The following DIP2C variants were observed in gnomAD, a reference collection of about 807,000 sequenced individuals.
DIP2C encodes the protein disco-interacting protein 2 homolog C.
Under a neutral mutation model 192.4 loss-of-function variants are expected in DIP2C, and 33 were observed. The observed-to-expected ratio is 0.17, with a 90% CI of 0.13 to 0.23. DIP2C has a LOEUF of 0.23. Among genes scored for constraint, DIP2C ranks in the 10% least tolerant of loss-of-function variants. DIP2C has a pLI of 1.00. For synonymous variants in DIP2C, 979 were observed against 864.1 expected (o/e 1.13, Z -2.33); for missense variants, 1,537 against 2,110.1 (o/e 0.73, Z 5.32).
intron 8 of DIP2C, among the ~76,000 whole-genome samples, chr10:413,237 C>G (rs1965299535): frequency 1.3e-5 from 2 of 152,248 alleles, no homozygotes; most frequent in African/African-American, 4.8e-5. Context: ...AAACGCACTT[C>G]TCTGCTACCG....
rs1262500068 is a variant in DIP2C at position 472,362 on chromosome 10, G to A, written c.268+77C>T. ...TCCACGCCCACTGCACTTCTGCCTCGCCCAGTGGCTGGGCACAGGCACCGT... is the reference window on the plus strand; with the variant it reads ...TCCACGCCCACTGCACTTCTGCCTCACCCAGTGGCTGGGCACAGGCACCGT... On this transcript the variant is annotated intron_variant, in intron 3 of 36. Coordinates refer to ENST00000280886, the MANE Select transcript of DIP2C (RefSeq NM_014974.3). The A allele has an allele frequency of 1.7e-5, 24 of 1,376,416 alleles. 1 individual carries two copies. Among genetic ancestry groups the A allele is most frequent in the African/African-American group, 5.7e-5 (4 of 69,976 alleles). The allele number at this position is 1,376,416 out of a possible 1,614,324, so 85.3% of individuals were successfully genotyped here.
chr10:552,581 T>G (rs889589450), intron 1 of DIP2C, among the ~76,000 whole-genome samples: 1 of 152,252 alleles, frequency 6.6e-6, no homozygotes, highest in Non-Finnish European at 1.5e-5. Flanking sequence ...CCGGGTGCAG[T>G]GGTTCACGCC....
At chr10:431,114 T>TTA (rs1184412870) in intron 4 of DIP2C, among the ~76,000 whole-genome samples, 3 of 152,352 alleles carry the variant, frequency 2.0e-5, no homozygotes. Flanking sequence ...TATCACTGAT[T>TTA]TATAGTAAGT....
In DIP2C at chr10:651,425, T is replaced by C. The variant is rs942403328; in HGVS notation, c.85+38069A>G. On this transcript the variant is annotated intron_variant, in intron 1 of 36. Coordinates refer to ENST00000280886, the MANE Select transcript of DIP2C (RefSeq NM_014974.3). The surrounding 1 kb of genome is among the most constrained non-coding windows in gnomAD (Gnocchi z 4.1). ...CCAAACTCGTGACTGAATGAACAAG[T>C]ATGTTAAGTCGTTAAGTAAAAATAG... 12 of 692,962 alleles carry C rather than the reference T, an allele frequency of 1.7e-5. No homozygotes were observed. The highest frequency in any genetic ancestry group is 1.4e-4 in the African/African-American group (8 of 57,054). The allele number at this position is 692,962 out of a possible 1,614,324, so 42.9% of individuals were successfully genotyped here.
chr10:386,313 A>G (rs1162269936), intron 14 of DIP2C, among the ~76,000 whole-genome samples: 3 of 152,230 alleles, frequency 2.0e-5, no homozygotes, highest in Non-Finnish European at 4.4e-5. Context: ...CACAGACAGA[A>G]AAACTGAGGT....
chr10:304,730 CAT>C (rs1956225776), intron 32 of DIP2C, among the ~76,000 whole-genome samples: 1 of 141,214 alleles, frequency 7.1e-6, no homozygotes, highest in Non-Finnish European at 1.5e-5. Context: ...CACACGTACA[CAT>C]GTAACATACT....
At chr10:564,824 C>T (rs1038160045) in intron 1 of DIP2C, among the ~76,000 whole-genome samples, 50 of 152,284 alleles carry the variant, frequency 3.3e-4, no homozygotes, top group African/African-American at 9.9e-4. Flanking sequence ...ACACATAACA[C>T]GTGAGCAGAA....
In DIP2C at chr10:275,776, GAGA is replaced by G. The variant is rs1462997685; in HGVS notation, c.*1546_*1548del. On this transcript the variant is annotated 3_prime_UTR_variant, in exon 37 of 37. Coordinates refer to ENST00000280886, the MANE Select transcript of DIP2C (RefSeq NM_014974.3). ...ATTTAGAAGTGCACAGGTGAGCTCT[GAGA>G]AGGTGTGGCCAGGAGCTGCCAGGGC... 6.6e-6 allele frequency: 1 copy of G among 152,362 alleles called. No individual in the cohort carries two copies. The highest frequency in any genetic ancestry group is 2.4e-5 in the African/African-American group (1 of 41,580). 9.4% of individuals were successfully genotyped at this position (152,362 alleles called of 1,614,324 possible).
chr10:304,133 G>A (rs973284953), intron 32 of DIP2C, among the ~76,000 whole-genome samples: 7 of 152,288 alleles, frequency 4.6e-5, no homozygotes, highest in African/African-American at 1.7e-4. Context: ...GGCTTCACAG[G>A]TGTCTATTAT....
At chr10:498,164 C>A (rs1232859942) in intron 1 of DIP2C, among the ~76,000 whole-genome samples, 2 of 152,218 alleles carry the variant, frequency 1.3e-5, no homozygotes, top group African/African-American at 4.8e-5. Flanking sequence ...CTGAATCCAG[C>A]CTCTGTCATG....
intron 1 of DIP2C, chr10:664,359 G>C (rs1279762240): frequency 6.6e-6 from 1 of 152,224 alleles, no homozygotes; most frequent in Non-Finnish European, 1.5e-5. Flanking sequence ...CCGAAATTCT[G>C]TGAGTTCTTG....
chr10:429,595 A>G (rs1966830460), intron 4 of DIP2C, among the ~76,000 whole-genome samples: 1 of 146,366 alleles, frequency 6.8e-6, no homozygotes, highest in African/African-American at 2.5e-5. Flanking sequence ...TACTGTCTCC[A>G]TAGTCTTGCC....
At chr10:414,219 T>G in intron 7 of DIP2C, 109 bp from the exon 8 acceptor site, 1 of 1,276,740 alleles carries the variant, frequency 7.8e-7, no homozygotes, top group Non-Finnish European at 1.1e-6. Flanking sequence ...GCTGTACATT[T>G]ATTAGCTGAC....
At chr10:494,858 T>C (rs1221031599) in intron 1 of DIP2C, among the ~76,000 whole-genome samples, 4 of 152,238 alleles carry the variant, frequency 2.6e-5, no homozygotes, top group Non-Finnish European at 5.9e-5. Flanking sequence ...AACAGGACTC[T>C]ATGATCCAGC....
chr10:343,923 A>G (rs1054400376), intron 28 of DIP2C, among the ~76,000 whole-genome samples: 1 of 152,206 alleles, frequency 6.6e-6, no homozygotes, highest in African/African-American at 2.4e-5. Flanking sequence ...GGCATGGACA[A>G]CCGTGTATGG....
At chr10:340,544 C>G (rs1589535800) in intron 29 of DIP2C, 1 of 352,882 alleles carries the variant, frequency 2.8e-6, no homozygotes, top group African/African-American at 2.1e-5. Context: ...TGGTAACACT[C>G]TTTATCAGGT....
intron 1 of DIP2C, among the ~76,000 whole-genome samples, chr10:530,472 A>T (rs1175926827): frequency 6.6e-6 from 1 of 152,072 alleles, no homozygotes; most frequent in Non-Finnish European, 1.5e-5. Flanking sequence ...AAGGCCAACC[A>T]GCCTGCTTGA....
intron 1 of DIP2C, chr10:630,019 C>T (rs1235345713): frequency 6.6e-6 from 1 of 152,216 alleles, no homozygotes; most frequent in Non-Finnish European, 1.5e-5. Flanking sequence ...CTGCACCCAC[C>T]TTGCTGAAGA....
At position 345,161 on chromosome 10, in the gene DIP2C, C is replaced by T. The variant is rs1349416587; in HGVS notation, c.3232-51G>A. 6 of 1,530,714 alleles carry T rather than the reference C, an allele frequency of 3.9e-6. No homozygotes were observed. In the South Asian group the frequency reaches 4.6e-5, roughly 12 times the overall value. 94.8% of individuals were successfully genotyped at this position (1,530,714 alleles called of 1,614,324 possible). Reference sequence around the variant, plus strand: ...CCATGAACGTGGACCCAGATGAAAGCGTGCTCACTTCACACGGGTCTCCTG... The same window carrying T: ...CCATGAACGTGGACCCAGATGAAAGTGTGCTCACTTCACACGGGTCTCCTG... On this transcript the variant is annotated intron_variant, in intron 26 of 36. Coordinates refer to ENST00000280886, the MANE Select transcript of DIP2C (RefSeq NM_014974.3).
Sources: gnomAD v4.1 joint callset for allele counts (sites outside exome capture counted in the v4.1 genomes callset) on GRCh38, gnomAD v4.1.1 for gene constraint, Gnocchi (gnomAD v3.1) non-coding constraint, MANE v1.5 for transcripts, NCBI Gene and HGNC (gene_info 2026-07-23, HGNC 2026-07-21) for gene names.